The following RNF175 variants were observed in gnomAD, a reference collection of about 807,000 sequenced individuals.
RNF175 encodes ring finger protein 175.
RNF175 carries 38 observed loss-of-function variants against 50.0 expected under a neutral mutation model. The observed-to-expected ratio is 0.76, with a 90% CI of 0.59 to 1.00. RNF175 has a LOEUF of 1.00. RNF175 is among the 50% of genes least tolerant of loss of function. The probability of loss-of-function intolerance (pLI) is 0.00; values close to 1 mark genes in which losing one functional copy is unlikely to be tolerated. For missense variants in RNF175, 388 were observed against 409.6 expected (o/e 0.95, Z 0.46); for synonymous variants, 155 against 146.1 (o/e 1.06, Z -0.44).
chr4:153,731,293 A>C (rs1180632974), intron 3 of RNF175, among the ~76,000 whole-genome samples: 1 of 152,214 alleles, frequency 6.6e-6, no homozygotes, highest in Non-Finnish European at 1.5e-5. Context: ...ATAAATAAAC[A>C]CATGAAATAT....
chr4:153,734,347 G>A (rs995109294), intron 3 of RNF175, among the ~76,000 whole-genome samples: 23 of 152,152 alleles, frequency 1.5e-4, no homozygotes, highest in African/African-American at 4.1e-4. Flanking sequence ...ATTGTCATCA[G>A]TATTTGGTAT....
chr4:153,732,955 TAAG>T (rs949135206), intron 3 of RNF175, among the ~76,000 whole-genome samples: 1 of 152,180 alleles, frequency 6.6e-6, no homozygotes, highest in African/African-American at 2.4e-5. Flanking sequence ...CCACATGAAA[TAAG>T]AATTTCCCAC....
intron 5 of RNF175, among the ~76,000 whole-genome samples, chr4:153,722,419 T>G (rs1738394430): frequency 6.6e-6 from 1 of 152,214 alleles, no homozygotes; most frequent in Non-Finnish European, 1.5e-5. Flanking sequence ...TTGACATGTT[T>G]TCTATCCTTC....
At chr4:153,742,164 C>T (rs1739697463) in intron 3 of RNF175, among the ~76,000 whole-genome samples, 1 of 151,532 alleles carries the variant, frequency 6.6e-6, no homozygotes, top group South Asian at 2.1e-4. Context: ...ATCCCAGCTA[C>T]TCAGGAGGCT....
intron 4 of RNF175, among the ~76,000 whole-genome samples, chr4:153,726,561 A>G (rs1738712657): frequency 6.6e-6 from 1 of 152,224 alleles, no homozygotes; most frequent in Non-Finnish European, 1.5e-5. Flanking sequence ...GCTGGAGACC[A>G]CTGCTCATGG....
chr4:153,713,344 A>G (rs1737716030), intron 7 of RNF175: 1 of 152,168 alleles, frequency 6.6e-6, no homozygotes, highest in African/African-American at 2.4e-5. Context: ...TGTCTCATTC[A>G]TTTCAGTGTC....
chr4:153,732,588 T>C (rs755901407), intron 3 of RNF175, among the ~76,000 whole-genome samples: 10 of 152,204 alleles, frequency 6.6e-5, no homozygotes, highest in Non-Finnish European at 1.3e-4. Flanking sequence ...TGCACTGTAT[T>C]GAGGCAAGTT....
rs1297827142 is a variant in RNF175 at position 153,715,571 on chromosome 4, T to C, written c.722A>G (p.Glu241Gly). The C allele has an allele frequency of 7.4e-6, 12 of 1,612,384 alleles. No individual in the cohort carries two copies. The highest frequency in any genetic ancestry group is 1.0e-5 in the Non-Finnish European group (12 of 1,179,234). ...CTGGTAGGTGTTTTCAATGAGCCCT[T>C]CTTCATCAAGCTCCACAATGATCTT... Reference protein sequence around the residue: ...GQKIIVELDEEGLIENTYQLS... With the variant: ...GQKIIVELDEGGLIENTYQLS... The change falls in exon 7 of 9, where the codon GAA becomes GGA. Residue 241 changes from glutamate to glycine, a missense_variant. Physicochemically the swap from Glu to Gly is moderately conservative, Grantham distance 98. Transcript: ENST00000347063.
chr4:153,736,173 T>C (rs976071863), intron 3 of RNF175, among the ~76,000 whole-genome samples: 4 of 152,220 alleles, frequency 2.6e-5, no homozygotes, highest in Non-Finnish European at 4.4e-5. Flanking sequence ...TTTACATGAA[T>C]GCATGCTAGA....
rs759497653 is a variant in RNF175 at position 153,728,345 on chromosome 4, T to C, written c.263A>G (p.Gln88Arg). ...GAAATATAAGGGGACAACCCACATC[T>C]GCAACAAGGTCACCAGCTGTCAGAG... is the stretch of plus-strand genomic sequence containing the variant. ...GRSYNLVTLL[Q>R]MWVVPLYFTI... The change falls in exon 4 of 9, where the codon CAG (glutamine) becomes CGG (arginine). Residue 88 changes from glutamine to arginine, a missense_variant. By Grantham distance (43) the Gln-to-Arg change is conservative. Coordinates refer to ENST00000347063, the MANE Select transcript of RNF175 (RefSeq NM_173662.4). 6.2e-7 allele frequency: 1 copy of C among 1,613,592 alleles called. No homozygotes were observed. The highest frequency in any genetic ancestry group is 8.5e-7 in the Non-Finnish European group (1 of 1,179,676).
chr4:153,744,822 A>C (rs899507256), intron 3 of RNF175, among the ~76,000 whole-genome samples: 1 of 152,238 alleles, frequency 6.6e-6, no homozygotes, highest in African/African-American at 2.4e-5. Flanking sequence ...AGTGCAATAT[A>C]AAGAGTGTTT....
At chr4:153,740,850 G>A (rs531174435) in intron 3 of RNF175, among the ~76,000 whole-genome samples, 1 of 152,288 alleles carries the variant, frequency 6.6e-6, no homozygotes, top group South Asian at 2.1e-4. Flanking sequence ...CAGGCCTTTA[G>A]TGTGAGGTTT....
chr4:153,726,856 C>T (rs1010799681), intron 4 of RNF175, among the ~76,000 whole-genome samples: 1 of 152,182 alleles, frequency 6.6e-6, no homozygotes, highest in African/African-American at 2.4e-5. Flanking sequence ...CTCAGACTAT[C>T]CTCTAGGGCT....
intron 3 of RNF175, among the ~76,000 whole-genome samples, chr4:153,730,390 C>T (rs534217966): frequency 6.6e-6 from 1 of 151,716 alleles, no homozygotes; most frequent in Non-Finnish European, 1.5e-5. Flanking sequence ...GAGTTGAGAT[C>T]ATGACACTGC....
At chr4:153,734,825 G>A (rs565731962) in intron 3 of RNF175, among the ~76,000 whole-genome samples, 130 of 151,660 alleles carry the variant, frequency 8.6e-4, no homozygotes, top group Non-Finnish European at 1.5e-3. Flanking sequence ...ACAGGCACCC[G>A]CCACCACACC....
In RNF175 at chr4:153,720,197, G is replaced by A. The variant is rs765834231; in HGVS notation, c.617C>T (p.Ala206Val). ...AGCAACACTTACCCCTATAGTGGAAGCCATGTAGTCTGAGCAGATCTCGGC... is the reference window on the plus strand; with the variant it reads ...AGCAACACTTACCCCTATAGTGGAAACCATGTAGTCTGAGCAGATCTCGGC... ...DFAEICSDYMASTIGFYSVSR... is the reference protein window; with the variant it reads ...DFAEICSDYMVSTIGFYSVSR... Residue 206 changes from alanine (A) to valine (V), a missense_variant, in exon 6 of 9, where the codon GCT becomes GTT. Coordinates refer to ENST00000347063, the MANE Select transcript of RNF175 (RefSeq NM_173662.4). 21 of 1,613,586 alleles carry A rather than the reference G, an allele frequency of 1.3e-5. No individual in the cohort carries two copies. In the Admixed American group the frequency reaches 2.3e-4, roughly 18 times the overall value.
chr4:153,752,880 A>G lies in RNF175; in HGVS notation c.67-1405T>C, dbSNP rs76837359. 3.0e-4 allele frequency among the ~76,000 whole-genome samples: 45 copies of G among 152,328 alleles called. No individual in the cohort carries two copies. In the East Asian group the frequency reaches 6.9e-3, roughly 24 times the overall value. ...GAAATTCACGAATTGAGATATACAA[A>G]TGACAAATAAATTTATGGAAAGGTG... On this transcript the variant is annotated intron_variant, in intron 1 of 8. Coordinates refer to ENST00000347063, the MANE Select transcript of RNF175 (RefSeq NM_173662.4).
chr4:153,720,244 A>G lies in RNF175; in HGVS notation c.570T>C (p.Tyr190=), dbSNP rs2127102620. The change falls in exon 6 of 9, where the codon TAT becomes TAC. Residue 190 remains tyrosine (Y), a synonymous_variant. Transcript: ENST00000347063. ...CGGCAAAGTCTCTCCCCATTACTCC[A>G]TAGTAGAGGCCGTAGAACAAAGACA... ...GIVSLFYGLY[Y]GVMGRDFAEI... 1.2e-6 allele frequency: 2 copies of G among 1,613,326 alleles called. No individual in the cohort carries two copies. Among genetic ancestry groups the G allele is most frequent in the Non-Finnish European group, 1.7e-6 (2 of 1,179,324 alleles).
chr4:153,735,214 T>C (rs1739290541), intron 3 of RNF175, among the ~76,000 whole-genome samples: 2 of 150,140 alleles, frequency 1.3e-5, no homozygotes, highest in Non-Finnish European at 3.0e-5. Flanking sequence ...TTGTATGTTC[T>C]GTGTCTGTGT....
Sources: allele counts gnomAD v4.1 joint callset (sites outside exome capture counted in the v4.1 genomes callset), GRCh38; gene constraint gnomAD v4.1.1; transcripts MANE v1.5; gene names NCBI Gene and HGNC (gene_info 2026-07-23, HGNC 2026-07-21).